Variants in CSMD3 observed in about 807,000 individuals in gnomAD.
CSMD3 encodes CUB and sushi domain-containing protein 3.
In CSMD3, 177 loss-of-function variants were observed where a neutral mutation model predicts 435.2. That is an observed-to-expected ratio of 0.41 (90% confidence interval 0.36 to 0.46). The LOEUF (loss-of-function observed/expected upper bound fraction) is 0.46, where lower values mean the gene tolerates loss of function less well. Ranked by LOEUF, CSMD3 falls within the 20% of genes least tolerant of loss-of-function variation. The pLI is 0.34. For missense variants in CSMD3, 4,265 were observed against 4,504.6 expected, an observed-to-expected ratio of 0.95 and a Z score of 1.52; for synonymous variants, 1,656 against 1,520.5, an observed-to-expected ratio of 1.09 and a Z score of -2.07.
intron 13 of CSMD3, among the ~76,000 whole-genome samples, chr8:112,719,443 G>T (rs1005428004): frequency 1.1e-4 from 16 of 152,148 alleles, no homozygotes; most frequent in African/African-American, 3.9e-4. Flanking sequence ...AATTCTGGAG[G>T]CTGAGAAGTC....
intron 20 of CSMD3, among the ~76,000 whole-genome samples, chr8:112,640,402 G>A (rs1300707916): frequency 6.6e-6 from 1 of 151,902 alleles, no homozygotes; most frequent in East Asian, 1.9e-4. Context: ...CCAAATGTTG[G>A]AAATTCTTAA....
intron 1 of CSMD3, among the ~76,000 whole-genome samples, chr8:113,360,795 G>A (rs1420067631): frequency 6.6e-6 from 1 of 151,660 alleles, no homozygotes; most frequent in Non-Finnish European, 1.5e-5. Context: ...GGATGGTCTC[G>A]ATCTCCTGAC....
chr8:112,379,263 A>T (rs752572741), intron 38 of CSMD3, among the ~76,000 whole-genome samples: 78 of 152,206 alleles, frequency 5.1e-4, no homozygotes, highest in Non-Finnish European at 1.0e-3. Flanking sequence ...TGAGGTCAGG[A>T]GTTCGATACC....
At chr8:112,564,385 C>T (rs1184978912) in intron 24 of CSMD3, among the ~76,000 whole-genome samples, 1 of 150,758 alleles carries the variant, frequency 6.6e-6, no homozygotes, top group East Asian at 2.0e-4. Context: ...CCTCCCCTTC[C>T]CTCTCTTCTC....
At chr8:112,360,807 G>C (rs1313769107) in intron 38 of CSMD3, among the ~76,000 whole-genome samples, 1 of 151,890 alleles carries the variant, frequency 6.6e-6, no homozygotes, top group Non-Finnish European at 1.5e-5. Flanking sequence ...ACTGATTTGT[G>C]TTAGGGAAGA....
chr8:112,980,775 G>T (rs115135943), intron 6 of CSMD3, among the ~76,000 whole-genome samples: 2 of 151,432 alleles, frequency 1.3e-5, no homozygotes, highest in Non-Finnish European at 3.0e-5. Flanking sequence ...TTCATTAAGC[G>T]TATGCTAGTT....
chr8:113,325,126 T>C (rs2093975102), intron 1 of CSMD3, among the ~76,000 whole-genome samples: 1 of 152,218 alleles, frequency 6.6e-6, no homozygotes, highest in South Asian at 2.1e-4. Flanking sequence ...TTGTGTCAGA[T>C]GAGACTTTGG....
chr8:112,264,482 G>A (rs778955121), intron 60 of CSMD3, among the ~76,000 whole-genome samples: 41 of 152,004 alleles, frequency 2.7e-4, no homozygotes, highest in Non-Finnish European at 5.1e-4. Flanking sequence ...AGGAATGACT[G>A]TATTATGAGA....
chr8:112,918,902 G>A (rs182167923), intron 10 of CSMD3, among the ~76,000 whole-genome samples: 18 of 151,936 alleles, frequency 1.2e-4, no homozygotes, highest in African/African-American at 4.3e-4. Flanking sequence ...GCTGTTGTCT[G>A]GAAAAAGCAT....
At chr8:112,609,532 A>G (rs1833086586) in intron 22 of CSMD3, among the ~76,000 whole-genome samples, 5 of 152,152 alleles carry the variant, frequency 3.3e-5, no homozygotes. Context: ...TGGCATGGAT[A>G]TGGAGAAAGG....
intron 35 of CSMD3, among the ~76,000 whole-genome samples, chr8:112,404,728 G>A (rs1831622214): frequency 6.6e-6 from 1 of 151,690 alleles, no homozygotes; most frequent in African/African-American, 2.4e-5. Context: ...TTTTCATATG[G>A]CAAAATGTGT....
intron 11 of CSMD3, among the ~76,000 whole-genome samples, chr8:112,837,234 A>T (rs1477186438): frequency 6.6e-6 from 1 of 151,818 alleles, no homozygotes; most frequent in Non-Finnish European, 1.5e-5. Context: ...TGTTAATTCA[A>T]AATAATTCTG....
chr8:113,095,308 C>T (rs1412469072), intron 5 of CSMD3, among the ~76,000 whole-genome samples: 3 of 151,942 alleles, frequency 2.0e-5, no homozygotes, highest in African/African-American at 4.8e-5. Context: ...AAAACTCTTC[C>T]CTTGCTCCTA....
chr8:113,302,262 T>G (rs187830459), intron 2 of CSMD3, among the ~76,000 whole-genome samples: 2 of 124,168 alleles, frequency 1.6e-5, no homozygotes, highest in African/African-American at 3.0e-5. Context: ...TTATATAAAA[T>G]ATATATAATA....
chr8:113,044,078 C>T (rs1451195421), intron 5 of CSMD3, among the ~76,000 whole-genome samples: 1 of 152,102 alleles, frequency 6.6e-6, no homozygotes. Flanking sequence ...ATAGACCAGA[C>T]ACTAAAACAT....
At chr8:113,333,518 T>C (rs956845309) in intron 1 of CSMD3, among the ~76,000 whole-genome samples, 3 of 151,894 alleles carry the variant, frequency 2.0e-5, no homozygotes, top group African/African-American at 7.2e-5. Context: ...TCCAGCACTA[T>C]TTAGTAAAAA....
chr8:112,607,956 G>A (rs142101121), intron 22 of CSMD3, among the ~76,000 whole-genome samples: 243 of 152,154 alleles, frequency 1.6e-3, no homozygotes, highest in African/African-American at 5.3e-3. Flanking sequence ...TCTAGCCAGA[G>A]CAACTAGGAA....
At chr8:112,286,872 G>GT (rs1819258813) in intron 58 of CSMD3, among the ~76,000 whole-genome samples, 192 bp downstream of exon 58, 1 of 152,038 alleles carries the variant, frequency 6.6e-6, no homozygotes, top group African/African-American at 2.4e-5. Flanking sequence ...ACCAATGAGG[G>GT]TTTTTTAAAA....
intron 9 of CSMD3, among the ~76,000 whole-genome samples, chr8:112,926,766 T>C (rs2082923795): frequency 6.6e-6 from 1 of 152,006 alleles, no homozygotes; most frequent in Non-Finnish European, 1.5e-5. Flanking sequence ...ATAATAGTGC[T>C]TGGGTCATAG....
Sources: gnomAD v4.1 joint callset for allele counts (sites outside exome capture counted in the v4.1 genomes callset) on GRCh38, gnomAD v4.1.1 for gene constraint, MANE v1.5 for transcripts, NCBI Gene and HGNC (gene_info 2026-07-23, HGNC 2026-07-21) for gene names.